The following LYST variants were observed in gnomAD, a reference collection of about 807,000 sequenced individuals.
The protein encoded by LYST is lysosomal-trafficking regulator.
LYST carries 192 observed loss-of-function variants against 413.6 expected under a neutral mutation model. The ratio of observed to expected loss-of-function variants is 0.46; its 90% CI spans 0.41 to 0.52. LYST has a LOEUF of 0.52. Among genes scored for constraint, LYST ranks in the 20% least tolerant of loss-of-function variants. The probability of loss-of-function intolerance (pLI) is 0.00; values close to 1 mark genes in which losing one functional copy is unlikely to be tolerated. For synonymous variants in LYST, 1,525 were observed against 1,567.3 expected, an observed-to-expected ratio of 0.97 and a Z score of 0.64; for missense variants, 3,815 against 4,499.9, an observed-to-expected ratio of 0.85 and a Z score of 4.35.
chr1:235,843,800 TTA>T (rs1200094586), intron 1 of LYST, among the ~76,000 whole-genome samples: 9 of 152,218 alleles, frequency 5.9e-5, no homozygotes, highest in African/African-American at 2.2e-4. Flanking sequence ...ATATTTATTC[TTA>T]TAGGTTGATT....
In LYST at chr1:235,662,992, C is replaced by T. The variant is rs370173269; in HGVS notation, c.11354G>A (p.Arg3785His). The T allele has an allele frequency of 3.4e-5, 55 of 1,613,642 alleles. No homozygotes were observed. Among genetic ancestry groups the T allele is most frequent in the African/African-American group, 4.0e-5 (3 of 74,888 alleles). Residue 3785 changes from arginine (R) to histidine (H), a missense_variant, in exon 53 of 53, where the codon CGC (arginine) becomes CAC (histidine). Physicochemically the swap from Arg to His is conservative, Grantham distance 29 (BLOSUM62 0). Around this residue, in one of 4 missense-constraint regions of LYST, gnomAD observed 866 missense variants for 1,156.0 expected, o/e 0.75. Transcript: ENST00000389793. ...GGAATAGAACATTGGCTGTTTCAAGCGCTGCTGGTCCTTCCGACACCAGGC... is the reference window on the plus strand; with the variant it reads ...GGAATAGAACATTGGCTGTTTCAAGTGCTGCTGGTCCTTCCGACACCAGGC... ...VIAWCRKDQQ[R>H]LKQPMFYSFL...
chr1:235,878,021 G>C (rs1049322396), intron 1 of LYST, among the ~76,000 whole-genome samples: 5 of 152,144 alleles, frequency 3.3e-5, no homozygotes, highest in Admixed American at 6.5e-5. Flanking sequence ...CAGATAAGAT[G>C]TATCAAAGCA....
intron 31 of LYST, chr1:235,738,038 A>T: frequency 6.4e-7 from 1 of 1,564,198 alleles, no homozygotes; most frequent in Non-Finnish European, 8.7e-7. Flanking sequence ...ACAGTCTTCT[A>T]AAGGAAGAAC....
chr1:235,688,671 C>T (rs1660393324), intron 47 of LYST, among the ~76,000 whole-genome samples: 1 of 152,118 alleles, frequency 6.6e-6, no homozygotes, highest in African/African-American at 2.4e-5. Flanking sequence ...TAAGTGAAAT[C>T]TCAGAGCGTG....
At chr1:235,705,009 A>T (rs1661863332) in intron 44 of LYST, among the ~76,000 whole-genome samples, 1 of 152,214 alleles carries the variant, frequency 6.6e-6, no homozygotes, top group Non-Finnish European at 1.5e-5. Context: ...GCCTTTTTAA[A>T]AAGTTAACAT....
chr1:235,694,207 G>A (rs1163291823), intron 46 of LYST, among the ~76,000 whole-genome samples: 6 of 151,704 alleles, frequency 4.0e-5, no homozygotes, highest in African/African-American at 1.2e-4. Flanking sequence ...TAGAGACGGG[G>A]TTTCATCATG....
At chr1:235,784,606 A>AG (rs137881662) in intron 14 of LYST, among the ~76,000 whole-genome samples, 3,322 of 152,282 alleles carry the variant, frequency 0.022, 119 homozygotes, top group African/African-American at 0.075. Context: ...AAGTCACTCT[A>AG]GGTCTCAGTT....
At chr1:235,712,974 C>G in intron 42 of LYST, 1 of 985,342 alleles carries the variant, frequency 1.0e-6, no homozygotes, top group Non-Finnish European at 1.2e-6. Context: ...TTCTTAGGAA[C>G]CATATTGCAT....
At chr1:235,690,863 G>A (rs12096304) in intron 47 of LYST, among the ~76,000 whole-genome samples, 7,903 of 152,122 alleles carry the variant, frequency 0.052, 647 homozygotes, top group African/African-American at 0.18. Flanking sequence ...AGTCTGGAAC[G>A]GTTGCAGCAG....
At chr1:235,703,940 C>CT (rs11393035) in intron 44 of LYST, among the ~76,000 whole-genome samples, 106,607 of 151,896 alleles carry the variant, frequency 0.7, 39,445 homozygotes, top group African/African-American at 0.92. Context: ...GCACCAGTGT[C>CT]GTTGTTCCCC....
At chr1:235,821,529 T>G (rs1354041013) in intron 3 of LYST, among the ~76,000 whole-genome samples, 1 of 152,244 alleles carries the variant, frequency 6.6e-6, no homozygotes, top group African/African-American at 2.4e-5. Context: ...TTTTTAGACC[T>G]TTTATCAAAT....
At chr1:235,863,835 C>A (rs1234528402) in intron 1 of LYST, among the ~76,000 whole-genome samples, 1 of 152,186 alleles carries the variant, frequency 6.6e-6, no homozygotes, top group African/African-American at 2.4e-5. Context: ...GACAAAAATT[C>A]TTTGCTTGGC....
intron 34 of LYST, 79 bp from the exon 35 acceptor site, chr1:235,731,256 GAGTA>G (rs1048269497): frequency 5.4e-5 from 67 of 1,234,154 alleles, no homozygotes; most frequent in Middle Eastern, 1.9e-4. Context: ...TATAGAGATT[GAGTA>G]AGTAAGTCAC....
At chr1:235,881,310 C>T (rs1396713972) in intron 1 of LYST, among the ~76,000 whole-genome samples, 2 of 152,198 alleles carry the variant, frequency 1.3e-5, no homozygotes, top group Non-Finnish European at 2.9e-5. Context: ...GTCAGATGTT[C>T]TTTGCAGAGT....
chr1:235,872,103 C>G (rs1457500568), intron 1 of LYST, among the ~76,000 whole-genome samples: 2 of 152,070 alleles, frequency 1.3e-5, no homozygotes, highest in African/African-American at 4.8e-5. Context: ...CGTGACCAGC[C>G]TGGCCAATGT....
At chr1:235,663,193 C>T (rs1658173544) in intron 52 of LYST, 115 bp from the exon 53 acceptor site, 2 of 747,868 alleles carry the variant, frequency 2.7e-6, no homozygotes. Flanking sequence ...CGCAGAGAGA[C>T]ATAAACTAAA....
At chr1:235,679,035 A>T (rs1198667480) in intron 48 of LYST, among the ~76,000 whole-genome samples, 1 of 152,358 alleles carries the variant, frequency 6.6e-6, no homozygotes, top group East Asian at 1.9e-4. Context: ...ATAAAAATAC[A>T]TATTTTACAC....
At chr1:235,755,339 A>G in intron 25 of LYST, 139 bp downstream of exon 25, 5 of 790,564 alleles carry the variant, frequency 6.3e-6, no homozygotes, top group Non-Finnish European at 1.1e-5. Context: ...CAGTGAGCCG[A>G]GATTGCACCA....
chr1:235,668,686 C>A (rs1035557721), intron 50 of LYST, among the ~76,000 whole-genome samples: 1 of 152,160 alleles, frequency 6.6e-6, no homozygotes, highest in Non-Finnish European at 1.5e-5. Flanking sequence ...CAGGATCAGT[C>A]CTAACTTTCA....
Sources: gnomAD v4.1 joint callset for allele counts (sites outside exome capture counted in the v4.1 genomes callset) on GRCh38, gnomAD v4.1.1 for gene constraint, gnomAD v4.1.1 regional missense constraint, MANE v1.5 for transcripts, NCBI Gene and HGNC (gene_info 2026-07-23, HGNC 2026-07-21) for gene names.